Variants in LRRC49 observed in about 807,000 individuals in gnomAD.
LRRC49 encodes leucine rich repeat containing 49, also known as leucine-rich repeat-containing protein 49.
In LRRC49, 50 loss-of-function variants were observed where a neutral mutation model predicts 83.3. That is an observed-to-expected ratio of 0.60 (90% CI 0.48 to 0.76). The LOEUF is 0.76. LRRC49 is among the 30% of genes least tolerant of loss of function. LRRC49 has a pLI of 0.00. For synonymous variants in LRRC49, 286 were observed against 283.3 expected (o/e 1.01, Z -0.10); for missense variants, 704 against 809.1 (o/e 0.87, Z 1.58).
intron 1 of LRRC49, among the ~76,000 whole-genome samples, chr15:70,869,598 G>T (rs1217969301): frequency 1.3e-5 from 2 of 152,170 alleles, no homozygotes; most frequent in Admixed American, 1.3e-4. Context: ...GGCTACTACA[G>T]ATCCGCTGCT....
At chr15:70,913,460 A>C (rs965452017) in intron 6 of LRRC49, among the ~76,000 whole-genome samples, 3 of 152,326 alleles carry the variant, frequency 2.0e-5, no homozygotes, top group African/African-American at 7.2e-5. Context: ...TCTGTCCAAC[A>C]GAGGGGAAGT....
intron 1 of LRRC49, among the ~76,000 whole-genome samples, chr15:70,870,950 T>TG (rs1555424833): frequency 3.0e-5 from 1 of 32,820 alleles, no homozygotes; most frequent in African/African-American, 7.1e-5. Flanking sequence ...GCTTAGTTTT[T>TG]TTTTTTTTTT....
chr15:71,028,666 G>C (rs2039251581), intron 14 of LRRC49, among the ~76,000 whole-genome samples: 1 of 152,150 alleles, frequency 6.6e-6, no homozygotes, highest in Non-Finnish European at 1.5e-5. Context: ...TCCTGGTTTA[G>C]TCTTGGGAGG....
chr15:70,954,986 G>T (rs902224665), intron 8 of LRRC49, among the ~76,000 whole-genome samples: 1 of 152,040 alleles, frequency 6.6e-6, no homozygotes, highest in African/African-American at 2.4e-5. Context: ...TGGGAGGTGT[G>T]CTCCAGCAGA....
At chr15:70,884,238 A>C (rs2033343892) in intron 2 of LRRC49, among the ~76,000 whole-genome samples, 1 of 152,120 alleles carries the variant, frequency 6.6e-6, no homozygotes, top group Non-Finnish European at 1.5e-5. Flanking sequence ...ATTGATACCC[A>C]AGTTAAAGAA....
rs560427429 is a variant in LRRC49, at chr15:71,023,790, G to A, written c.1703+10877G>A. On this transcript the variant is annotated intron_variant, in intron 14 of 15. Coordinates refer to ENST00000260382, the MANE Select transcript of LRRC49 (RefSeq NM_017691.5). ...TGTGCAGATTCTCAGTGACCACTCG[G>A]CTGGAGACTGCCTAAGACTACTGAG... Among the ~76,000 whole-genome samples the A allele has an allele frequency of 2.6e-5, 4 of 152,314 alleles. No homozygotes were observed. The East Asian group carries it at 7.7e-4, about 29-fold the overall frequency.
chr15:70,870,945 GT>G (rs71281973), intron 1 of LRRC49, among the ~76,000 whole-genome samples: 9 of 88,710 alleles, frequency 1.0e-4, no homozygotes, highest in East Asian at 2.7e-4. Context: ...GCCATGCTTA[GT>G]TTTTTTTTTT....
chr15:71,026,711 A>G (rs1358828929), intron 14 of LRRC49, among the ~76,000 whole-genome samples: 1 of 152,016 alleles, frequency 6.6e-6, no homozygotes, highest in Non-Finnish European at 1.5e-5. Context: ...GCTTTTTTTC[A>G]TGTGTTTGTT....
At chr15:70,995,665 C>CCT (rs1246517602) in intron 11 of LRRC49, among the ~76,000 whole-genome samples, 1 of 152,256 alleles carries the variant, frequency 6.6e-6, no homozygotes, top group African/African-American at 2.4e-5. Context: ...GGCAAAACTA[C>CCT]CTCTGATCAG....
intron 7 of LRRC49, among the ~76,000 whole-genome samples, chr15:70,935,833 T>C (rs2035574884): frequency 6.6e-6 from 1 of 152,130 alleles, no homozygotes; most frequent in Non-Finnish European, 1.5e-5. Context: ...GGACTGACTG[T>C]ATGTACTCCT....
intron 10 of LRRC49, among the ~76,000 whole-genome samples, chr15:70,981,645 T>C (rs538717149): frequency 1.2e-4 from 19 of 152,168 alleles, no homozygotes; most frequent in Non-Finnish European, 2.6e-4. Flanking sequence ...GTGAAACTTA[T>C]GGCATATACT....
intron 7 of LRRC49, among the ~76,000 whole-genome samples, chr15:70,928,244 A>C (rs191195922): frequency 6.6e-6 from 1 of 152,280 alleles, no homozygotes; most frequent in East Asian, 1.9e-4. Context: ...CTATATAGTA[A>C]GTAGAGATAT....
intron 8 of LRRC49, among the ~76,000 whole-genome samples, chr15:70,959,210 C>T (rs755270757): frequency 3.9e-5 from 6 of 152,028 alleles, no homozygotes; most frequent in East Asian, 3.9e-4. Context: ...ATAAAAATCC[C>T]GGCTGGATGC....
chr15:70,932,726 C>CTTTT (rs5813614), intron 7 of LRRC49, among the ~76,000 whole-genome samples: 117 of 97,154 alleles, frequency 1.2e-3, no homozygotes, highest in African/African-American at 1.6e-3. Context: ...CTTTCTCTGT[C>CTTTT]TTTTTTTTTT....
intron 7 of LRRC49, among the ~76,000 whole-genome samples, chr15:70,932,701 T>G (rs1197689685): frequency 6.6e-6 from 1 of 151,520 alleles, no homozygotes; most frequent in African/African-American, 2.4e-5. Context: ...ATTTAGTTCT[T>G]TTCTTTTCTT....
chr15:70,853,924 G>A, intron 1 of LRRC49: 4 of 1,407,690 alleles, frequency 2.8e-6, no homozygotes, highest in East Asian at 3.1e-5. Context: ...CGCTCGCGCT[G>A]CCCCAGCCGG....
At chr15:70,915,500 T>C (rs1567050062) in intron 6 of LRRC49, among the ~76,000 whole-genome samples, 2 of 152,206 alleles carry the variant, frequency 1.3e-5, no homozygotes, top group Non-Finnish European at 2.9e-5. Flanking sequence ...ACACTGCTTC[T>C]TTTCCATTTA....
At chr15:70,984,296 A>G in intron 11 of LRRC49, 39 bp downstream of exon 11, 3 of 1,502,138 alleles carry the variant, frequency 2.0e-6, no homozygotes, top group Non-Finnish European at 2.7e-6. Flanking sequence ...AGCATCTTTG[A>G]TAATTGAATT....
chr15:70,908,248 G>A (rs777407707), intron 5 of LRRC49, among the ~76,000 whole-genome samples: 17 of 152,204 alleles, frequency 1.1e-4, no homozygotes, highest in Non-Finnish European at 2.4e-4. Context: ...GCACAGAAAA[G>A]CCAATACACT....
Sources: gnomAD v4.1 joint callset for allele counts (sites outside exome capture counted in the v4.1 genomes callset) on GRCh38, gnomAD v4.1.1 for gene constraint, MANE v1.5 for transcripts, NCBI Gene and HGNC (gene_info 2026-07-23, HGNC 2026-07-21) for gene names.